Variants in PABPC4L observed in about 807,000 individuals in gnomAD.
The protein encoded by PABPC4L is polyadenylate-binding protein 4-like.
For synonymous variants in PABPC4L, 169 were observed against 164.1 expected, an observed-to-expected ratio of 1.03 and a Z score of -0.23; for missense variants, 452 against 451.4, an observed-to-expected ratio of 1.00 and a Z score of -0.01.
At chr4:133,990,929 C>A in the PABPC4L span, among the ~76,000 whole-genome samples, 1 of 152,096 alleles carries the variant, frequency 6.6e-6, no homozygotes. Flanking sequence ...TCCAGCCTTC[C>A]AAGAAAGTTT....
At chr4:133,993,197 G>A in the PABPC4L span, among the ~76,000 whole-genome samples, 1 of 152,128 alleles carries the variant, frequency 6.6e-6, no homozygotes, top group Non-Finnish European at 1.5e-5. Flanking sequence ...TAAGGCTTGT[G>A]CTAATAGTGT....
chr4:134,116,489 G>A, the PABPC4L span, among the ~76,000 whole-genome samples: 1 of 151,720 alleles, frequency 6.6e-6, no homozygotes, highest in Non-Finnish European at 1.5e-5. Context: ...AAAGCCATCG[G>A]AATCACTAAA....
At chr4:134,061,918 T>A in the PABPC4L span, among the ~76,000 whole-genome samples, 28,404 of 151,780 alleles carry the variant, frequency 0.19, 3,299 homozygotes, top group Middle Eastern at 0.25. Flanking sequence ...TAAAGATTTT[T>A]AAGCAATTTT....
At chr4:134,201,429 A>C (rs1729880201) in intron 1 of PABPC4L, among the ~76,000 whole-genome samples, 184 bp from the exon 2 acceptor site, 1 of 151,940 alleles carries the variant, frequency 6.6e-6, no homozygotes, top group Non-Finnish European at 1.5e-5. Flanking sequence ...TCAGGGAAGA[A>C]CTCCACAAGC....
chr4:133,964,443 A>G, the PABPC4L span, among the ~76,000 whole-genome samples: 1 of 152,154 alleles, frequency 6.6e-6, no homozygotes, highest in African/African-American at 2.4e-5. Flanking sequence ...ATAGTATAAA[A>G]GGAAACATTT....
At chr4:134,168,485 T>C in the PABPC4L span, among the ~76,000 whole-genome samples, 1 of 151,806 alleles carries the variant, frequency 6.6e-6, no homozygotes, top group East Asian at 1.9e-4. Flanking sequence ...AAAAGTTGGT[T>C]TCTTGAAAAG....
the PABPC4L span, among the ~76,000 whole-genome samples, chr4:134,106,773 C>A: frequency 6.6e-6 from 1 of 151,240 alleles, no homozygotes; most frequent in African/African-American, 2.4e-5. Flanking sequence ...CATGTATTTT[C>A]CAGTCTGATT....
chr4:134,010,771 A>G, the PABPC4L span: 2 of 152,176 alleles, frequency 1.3e-5, no homozygotes, highest in African/African-American at 4.8e-5. Flanking sequence ...TGGCCAAATC[A>G]TATAGCAAGT....
In PABPC4L at chr4:134,198,550, C is replaced by CA. The variant is rs1729738976; in HGVS notation, c.*1356dup. 6.6e-6 allele frequency: 1 copy of CA among 151,326 alleles called. No homozygotes were observed. Among genetic ancestry groups the CA allele is most frequent in the Admixed American group, 6.6e-5 (1 of 15,210 alleles). The allele number at this position is 151,326 out of a possible 1,614,324, so 9.4% of individuals were successfully genotyped here. ...TAATAGTTATGAGAAAAAACTAAGC[C>CA]AAGTAAAAATATGAAAACAGTAAAA... is the stretch of plus-strand genomic sequence containing the variant. On this transcript the variant is annotated 3_prime_UTR_variant, in exon 2 of 2. Coordinates refer to ENST00000421491, the MANE Select transcript of PABPC4L (RefSeq NM_001114734.2).
chr4:133,985,390 G>A, the PABPC4L span, among the ~76,000 whole-genome samples: 1 of 151,964 alleles, frequency 6.6e-6, no homozygotes, highest in African/African-American at 2.4e-5. Context: ...CACTTTGGGG[G>A]TGATATGGAG....
At chr4:133,967,220 C>A in the PABPC4L span, among the ~76,000 whole-genome samples, 8 of 151,880 alleles carry the variant, frequency 5.3e-5, no homozygotes, top group Admixed American at 5.3e-4. Flanking sequence ...GCATGTAATC[C>A]CAGCAGTTTG....
the PABPC4L span, among the ~76,000 whole-genome samples, chr4:134,120,493 T>C: frequency 1.3e-5 from 2 of 150,634 alleles, no homozygotes; most frequent in African/African-American, 4.8e-5. Context: ...TGTATGTCCT[T>C]CCAAGATCCC....
chr4:134,068,780 C>T, the PABPC4L span, among the ~76,000 whole-genome samples: 1 of 151,438 alleles, frequency 6.6e-6, no homozygotes. Flanking sequence ...GCAGTCTCGT[C>T]TCACTGCAAC....
the PABPC4L span, among the ~76,000 whole-genome samples, chr4:134,112,566 G>A: frequency 1.5e-5 from 2 of 135,910 alleles, no homozygotes; most frequent in South Asian, 2.4e-4. Context: ...TATGCTCCAC[G>A]TAACTATCTA....
At chr4:134,035,912 T>G in the PABPC4L span, among the ~76,000 whole-genome samples, 1 of 152,038 alleles carries the variant, frequency 6.6e-6, no homozygotes, top group Non-Finnish European at 1.5e-5. Flanking sequence ...TACTTTAAAT[T>G]ATATGGCCTT....
At chr4:134,132,190 TA>T in the PABPC4L span, among the ~76,000 whole-genome samples, 1 of 151,762 alleles carries the variant, frequency 6.6e-6, no homozygotes, top group African/African-American at 2.4e-5. Flanking sequence ...AAAAGCAAAT[TA>T]AACAGAAACA....
chr4:134,107,065 A>AT, the PABPC4L span, among the ~76,000 whole-genome samples: 7 of 151,280 alleles, frequency 4.6e-5, no homozygotes, highest in South Asian at 1.5e-3. Context: ...TGTGACTTAA[A>AT]TTTTTTAGGG....
At chr4:134,051,043 A>C in the PABPC4L span, among the ~76,000 whole-genome samples, 1 of 152,130 alleles carries the variant, frequency 6.6e-6, no homozygotes, top group African/African-American at 2.4e-5. Flanking sequence ...CTAGGTAACA[A>C]AATTAAGTCT....
the PABPC4L span, among the ~76,000 whole-genome samples, chr4:134,100,878 A>C: frequency 6.6e-6 from 1 of 151,742 alleles, no homozygotes; most frequent in African/African-American, 2.4e-5. Flanking sequence ...ATAAAACCTT[A>C]TAATAGAGCT....
Sources: allele counts gnomAD v4.1 joint callset (sites outside exome capture counted in the v4.1 genomes callset), GRCh38; gene constraint gnomAD v4.1.1; transcripts MANE v1.5; gene names NCBI Gene and HGNC (gene_info 2026-07-23, HGNC 2026-07-21).